Variants in WDR35 observed in about 807,000 individuals in gnomAD.
WDR35 encodes WD repeat-containing protein 35.
In WDR35, 118 loss-of-function variants were observed where a neutral mutation model predicts 158.3. The observed-to-expected ratio is 0.75, with a 90% CI of 0.64 to 0.87. The LOEUF (loss-of-function observed/expected upper bound fraction) is 0.87. WDR35 is among the 40% of genes least tolerant of loss of function. WDR35 has a pLI of 0.00. For missense variants in WDR35, 1,263 were observed against 1,405.8 expected (o/e 0.90, Z 1.62); for synonymous variants, 448 against 476.1 (o/e 0.94, Z 0.77).
In WDR35 at chr2:19,981,498, T is replaced by C. The variant is rs79737606; in HGVS notation, c.215-715A>G. Among the ~76,000 whole-genome samples, 1,144 of 152,280 alleles carry C rather than the reference T, an allele frequency of 7.5e-3. 19 individuals carry two copies. Among genetic ancestry groups the C allele is most frequent in the African/African-American group, 0.026 (1,080 of 41,544 alleles). On this transcript the variant is annotated intron_variant, in intron 3 of 26. Coordinates refer to ENST00000281405, the MANE Select transcript of WDR35 (RefSeq NM_020779.4). ...ATCTAGGATTATACAGTGCATTTAG[T>C]TGTTATACATCTTCAGTCTTTAGTC...
chr2:19,975,611 T>C lies in WDR35; in HGVS notation c.489A>G (p.Thr163=). The change falls in exon 6 of 27, where the codon ACA becomes ACG. Residue 163 remains threonine, a synonymous_variant. Coordinates refer to ENST00000281405, the MANE Select transcript of WDR35 (RefSeq NM_020779.4). ...GTAAGACTTTACTGTCCGCAGACCA[T>C]GTTACATGGGATAGCTGTATACCCT... The part of the protein sequence containing the change: ...DLKGIQLSHV[T]WSADSKVLLF... 13 of 1,614,132 alleles carry C rather than the reference T, an allele frequency of 8.1e-6. No homozygotes were observed. Among genetic ancestry groups the C allele is most frequent in the Non-Finnish European group, 1.1e-5 (13 of 1,179,978 alleles).
intron 21 of WDR35, chr2:19,935,252 T>C (rs1347489648): frequency 4.8e-6 from 2 of 418,862 alleles, no homozygotes; most frequent in Non-Finnish European, 8.2e-6. Context: ...TGTGATCATA[T>C]TAAAGTAGTA....
intron 25 of WDR35, among the ~76,000 whole-genome samples, chr2:19,922,367 C>T (rs1363172684): frequency 6.6e-6 from 1 of 152,190 alleles, no homozygotes; most frequent in Non-Finnish European, 1.5e-5. Flanking sequence ...AGCACATATA[C>T]ACCAGGGAAT....
At chr2:19,980,913 C>T (rs1473867806) in intron 3 of WDR35, 130 bp from the exon 4 acceptor site, 2 of 762,330 alleles carry the variant, frequency 2.6e-6, no homozygotes, top group Non-Finnish European at 4.3e-6. Flanking sequence ...TTTAATATTC[C>T]TCAAAACCTA....
chr2:19,918,921 C>T (rs1188426212), intron 25 of WDR35, among the ~76,000 whole-genome samples: 1 of 152,180 alleles, frequency 6.6e-6, no homozygotes, highest in Non-Finnish European at 1.5e-5. Context: ...CGGAACTCTC[C>T]ACCCCAAATC....
At position 19,945,893 on chromosome 2, in the gene WDR35, AT is replaced by A; in HGVS notation, c.1737del (p.Lys579AsnfsTer10). ...ATATCCCAGACATCTCTTCGTTCCA[AT>A]TTTAACAACTCTCCAACTACTTGCT... Reference protein sequence around the residue: ...TGQQVVGELLKLERRDVWDMK... With the variant: ...TGQQVVGELLXLERRDVWDMK... On this transcript the variant is annotated frameshift_variant, in exon 16 of 27. Coordinates refer to ENST00000281405, the MANE Select transcript of WDR35 (RefSeq NM_020779.4). LOFTEE classifies it high-confidence loss of function. 6.2e-7 allele frequency: 1 copy of A among 1,613,966 alleles called. No homozygotes were observed. Among genetic ancestry groups the A allele is most frequent in the Non-Finnish European group, 8.5e-7 (1 of 1,179,888 alleles).
At chr2:19,955,564 C>T (rs979967520) in intron 11 of WDR35, among the ~76,000 whole-genome samples, 13 of 152,092 alleles carry the variant, frequency 8.5e-5, no homozygotes, top group East Asian at 3.8e-4. Context: ...AACACTCATA[C>T]GAAATACATA....
chr2:19,973,473 G>A, intron 8 of WDR35, 90 bp downstream of exon 8: 1 of 1,542,756 alleles, frequency 6.5e-7, no homozygotes, highest in Non-Finnish European at 8.9e-7. Context: ...AATGTGATAA[G>A]TTTACACCGT....
At chr2:19,989,945 G>C (rs578188152) in intron 1 of WDR35, 47 bp downstream of exon 1, 2 of 1,611,864 alleles carry the variant, frequency 1.2e-6, no homozygotes, top group African/African-American at 1.3e-5. Context: ...AATCGCCGCA[G>C]GCTGCGGGAA....
chr2:19,964,493 C>T (rs1178774465), intron 10 of WDR35, among the ~76,000 whole-genome samples: 2 of 150,628 alleles, frequency 1.3e-5, no homozygotes, highest in Non-Finnish European at 2.9e-5. Context: ...AAGCAATTCT[C>T]CTGCCTCAGC....
intron 10 of WDR35, among the ~76,000 whole-genome samples, chr2:19,963,583 C>G (rs895114635): frequency 6.6e-6 from 1 of 152,062 alleles, no homozygotes; most frequent in Admixed American, 6.6e-5. Flanking sequence ...TCACTGGTGT[C>G]CACTCTACTG....
intron 25 of WDR35, among the ~76,000 whole-genome samples, chr2:19,920,486 A>AT (rs1183583605): frequency 6.6e-6 from 1 of 152,238 alleles, no homozygotes; most frequent in Non-Finnish European, 1.5e-5. Context: ...AAACCACATG[A>AT]TTATCTCAAT....
intron 16 of WDR35, among the ~76,000 whole-genome samples, chr2:19,943,966 G>C (rs1396883419): frequency 6.6e-6 from 1 of 151,948 alleles, no homozygotes; most frequent in Non-Finnish European, 1.5e-5. Context: ...GTTATTAGCT[G>C]TCAAACAATA....
chr2:19,930,773 C>T (rs1670502399), intron 24 of WDR35, among the ~76,000 whole-genome samples: 1 of 152,140 alleles, frequency 6.6e-6, no homozygotes, highest in Non-Finnish European at 1.5e-5. Context: ...CTCATGGACT[C>T]AAGTGATCCT....
intron 23 of WDR35, 104 bp downstream of exon 23, chr2:19,932,179 T>C: frequency 6.9e-7 from 1 of 1,451,912 alleles, no homozygotes; most frequent in Non-Finnish European, 9.5e-7. Context: ...GTGGTTTTGC[T>C]GTAATAAATA....
In WDR35 at chr2:19,969,498, G is replaced by A; in HGVS notation, c.990C>T (p.Asn330=). ...LAVDSFIYFA[N]IRPNYKWGYC... Reference sequence around the variant, plus strand: ...TATTTACCTTATAATTAGGTCGAATGTTTGCAAAATATATAAAGGAATCAA... The same window carrying A: ...TATTTACCTTATAATTAGGTCGAATATTTGCAAAATATATAAAGGAATCAA... The change falls in exon 9 of 27, where the codon AAC becomes AAT. Residue 330 remains asparagine, a synonymous_variant. Transcript: ENST00000281405. The A allele has an allele frequency of 6.2e-7, 1 of 1,612,854 alleles. No individual in the cohort carries two copies. The highest frequency in any genetic ancestry group is 8.5e-7 in the Non-Finnish European group (1 of 1,179,114).
chr2:19,928,450 T>G (rs74795970), intron 25 of WDR35, among the ~76,000 whole-genome samples: 30,547 of 152,046 alleles, frequency 0.2, 3,316 homozygotes, highest in East Asian at 0.4. Flanking sequence ...TTTCTGTGTG[T>G]GTGTCTTTAA....
Position 19,938,413 on chromosome 2 carries a change from G to A in WDR35, c.1927-12C>T, listed in dbSNP as rs1285411099. The stretch of plus-strand genomic sequence containing the variant: ...GGATGTTCTGGATCCTAAAAGTAAA[G>A]ATGAAAACAAAAAAATTCAAATATT... On this transcript the variant is annotated splice_polypyrimidine_tract_variant and intron_variant, in intron 17 of 26. Coordinates refer to ENST00000281405, the MANE Select transcript of WDR35 (RefSeq NM_020779.4). 1.2e-6 allele frequency: 2 copies of A among 1,612,534 alleles called. No homozygotes were observed. The highest frequency in any genetic ancestry group is 1.7e-6 in the Non-Finnish European group (2 of 1,179,432).
In WDR35 at chr2:19,913,189, G is replaced by GCTT; in HGVS notation, c.*366_*368dup. On this transcript the variant is annotated 3_prime_UTR_variant, in exon 27 of 27. Coordinates refer to ENST00000281405, the MANE Select transcript of WDR35 (RefSeq NM_020779.4). ...AAATTCAACTTTGCCCCACTCCCATGCTTCCCCCACTCCCTACTCCCTTCA... is the reference window on the plus strand; with the variant it reads ...AAATTCAACTTTGCCCCACTCCCATGCTTCTTCCCCCACTCCCTACTCCCTTCA... 1 of 170,772 alleles carries GCTT rather than the reference G, an allele frequency of 5.9e-6. No individual in the cohort carries two copies. The highest frequency in any genetic ancestry group is 1.6e-4 in the East Asian group (1 of 6,182). The allele number at this position is 170,772 out of a possible 1,614,324, so 10.6% of individuals were successfully genotyped here.
Sources: allele counts gnomAD v4.1 joint callset (sites outside exome capture counted in the v4.1 genomes callset), GRCh38; gene constraint gnomAD v4.1.1; transcripts MANE v1.5; gene names NCBI Gene and HGNC (gene_info 2026-07-23, HGNC 2026-07-21).